The following PXDNL variants were observed in gnomAD, a reference collection of about 807,000 sequenced individuals.
PXDNL encodes probable oxidoreductase PXDNL.
A neutral mutation model predicts 150.8 loss-of-function variants in PXDNL; 145 were observed. That is an observed-to-expected ratio of 0.96 (90% CI 0.84 to 1.10). The LOEUF is 1.10. Ranked by LOEUF, PXDNL falls within the 50% of genes least tolerant of loss-of-function variation. The probability of loss-of-function intolerance (pLI) is 0.00; values close to 1 mark genes in which losing one functional copy is unlikely to be tolerated. For synonymous variants in PXDNL, 757 were observed against 725.7 expected (o/e 1.04, Z -0.69); for missense variants, 2,087 against 1,873.9 (o/e 1.11, Z -2.10).
chr8:51,790,628 C>A (rs1376991684), intron 1 of PXDNL, among the ~76,000 whole-genome samples: 1 of 152,002 alleles, frequency 6.6e-6, no homozygotes, highest in African/African-American at 2.4e-5. Context: ...TGGGCCCATG[C>A]CGGAGTCGCA....
intron 17 of PXDNL, among the ~76,000 whole-genome samples, chr8:51,406,257 T>G (rs1239068510): frequency 6.6e-6 from 1 of 152,234 alleles, no homozygotes; most frequent in Non-Finnish European, 1.5e-5. Context: ...CCAATCCAGA[T>G]AATCTACCCA....
At chr8:51,696,825 A>ATC in intron 1 of PXDNL, among the ~76,000 whole-genome samples, 1 of 148,728 alleles carries the variant, frequency 6.7e-6, no homozygotes, top group Non-Finnish European at 1.5e-5. Flanking sequence ...ACACACACAC[A>ATC]CACACACACA....
chr8:51,514,746 T>C (rs1363931187), intron 4 of PXDNL, among the ~76,000 whole-genome samples: 1 of 152,190 alleles, frequency 6.6e-6, no homozygotes, highest in Non-Finnish European at 1.5e-5. Context: ...CAAGACCGTC[T>C]GGGGCTTGAT....
At chr8:51,399,262 C>A (rs1470378499) in intron 17 of PXDNL, among the ~76,000 whole-genome samples, 2 of 152,102 alleles carry the variant, frequency 1.3e-5, no homozygotes, top group Non-Finnish European at 2.9e-5. Context: ...AATCATAGGC[C>A]CACAAAAAGA....
chr8:51,755,455 C>T (rs554854787), intron 1 of PXDNL, among the ~76,000 whole-genome samples: 12 of 152,118 alleles, frequency 7.9e-5, no homozygotes, highest in African/African-American at 2.6e-4. Flanking sequence ...CCACCACACT[C>T]GACTAATTTT....
intron 8 of PXDNL, among the ~76,000 whole-genome samples, chr8:51,471,780 G>A (rs1176126070): frequency 1.3e-5 from 2 of 151,026 alleles, no homozygotes; most frequent in African/African-American, 2.4e-5. Flanking sequence ...TCCGCCTCCC[G>A]GGTTCACGCC....
intron 9 of PXDNL, among the ~76,000 whole-genome samples, chr8:51,454,110 AT>A (rs1366397621): frequency 2.2e-5 from 1 of 44,564 alleles, no homozygotes; most frequent in African/African-American, 3.2e-5. Flanking sequence ...GAATACTCAC[AT>A]TTTTTTAAAC....
chr8:51,328,413 C>A (rs911332950), intron 21 of PXDNL, among the ~76,000 whole-genome samples: 3 of 152,192 alleles, frequency 2.0e-5, no homozygotes, highest in African/African-American at 7.2e-5. Context: ...TTGAAGAATG[C>A]ACCCCTACAC....
chr8:51,711,786 C>CA (rs1816506459), intron 1 of PXDNL, among the ~76,000 whole-genome samples: 1 of 152,278 alleles, frequency 6.6e-6, no homozygotes, highest in East Asian at 1.9e-4. Context: ...AATGTGTCAA[C>CA]AAAAAATACT....
chr8:51,482,199 G>A (rs1810620259), intron 6 of PXDNL, among the ~76,000 whole-genome samples: 1 of 152,206 alleles, frequency 6.6e-6, no homozygotes, highest in Non-Finnish European at 1.5e-5. Flanking sequence ...ATGTGACCTG[G>A]TCGTGAGACA....
At chr8:51,645,317 A>G (rs778674813) in intron 2 of PXDNL, among the ~76,000 whole-genome samples, 5 of 152,186 alleles carry the variant, frequency 3.3e-5, no homozygotes, top group Admixed American at 2.0e-4. Context: ...CTCTTCCAGA[A>G]ACACCCTCTC....
chr8:51,353,224 G>C (rs1197342918), intron 19 of PXDNL, among the ~76,000 whole-genome samples: 3 of 148,720 alleles, frequency 2.0e-5, no homozygotes, highest in African/African-American at 7.4e-5. Flanking sequence ...ATTTCTTATA[G>C]TTATTACTTC....
chr8:51,405,263 G>A (rs1426632321), intron 17 of PXDNL, among the ~76,000 whole-genome samples: 2 of 152,224 alleles, frequency 1.3e-5, no homozygotes, highest in Non-Finnish European at 2.9e-5. Context: ...CTCAACAGCG[G>A]CCTGAGTGGG....
rs549289138 is a variant in PXDNL, at chr8:51,664,310, T to C, written c.165-9550A>G. The stretch of plus-strand genomic sequence containing the variant: ...AAAACCAAAGCATAACCTCTTGAAT[T>C]GCTAACTTTGTCATTCTGGAGAAAG... On this transcript the variant is annotated intron_variant, in intron 1 of 22. Transcript: ENST00000356297. Among the ~76,000 whole-genome samples the C allele has an allele frequency of 9.2e-5, 14 of 152,294 alleles. No individual in the cohort carries two copies. The South Asian group carries it at 2.9e-3, about 32-fold the overall frequency.
At chr8:51,530,011 C>T (rs1811860226) in intron 4 of PXDNL, among the ~76,000 whole-genome samples, 3 of 152,190 alleles carry the variant, frequency 2.0e-5, no homozygotes, top group African/African-American at 7.2e-5. Context: ...TTCCTCAACT[C>T]TCCTGTGAGG....
chr8:51,751,561 C>T (rs2037045580), intron 1 of PXDNL, among the ~76,000 whole-genome samples: 1 of 152,116 alleles, frequency 6.6e-6, no homozygotes, highest in African/African-American at 2.4e-5. Context: ...CCCCAAGTCA[C>T]CATAGATTCG....
intron 1 of PXDNL, among the ~76,000 whole-genome samples, chr8:51,733,578 T>C (rs1816973110): frequency 6.6e-6 from 1 of 151,858 alleles, no homozygotes; most frequent in East Asian, 1.9e-4. Flanking sequence ...GAGGCTGAGG[T>C]GGGCAGATCA....
At chr8:51,750,005 A>T (rs1394677665) in intron 1 of PXDNL, among the ~76,000 whole-genome samples, 1 of 152,044 alleles carries the variant, frequency 6.6e-6, no homozygotes, top group Non-Finnish European at 1.5e-5. Context: ...CGGTCCACTA[A>T]ACTTATTTTT....
At chr8:51,702,633 C>T (rs1816280055) in intron 1 of PXDNL, among the ~76,000 whole-genome samples, 1 of 152,120 alleles carries the variant, frequency 6.6e-6, no homozygotes, top group Non-Finnish European at 1.5e-5. Flanking sequence ...AGCGGGGTGC[C>T]TCAATCTCCC....
Sources: allele counts gnomAD v4.1 joint callset (sites outside exome capture counted in the v4.1 genomes callset), GRCh38; gene constraint gnomAD v4.1.1; transcripts MANE v1.5; gene names NCBI Gene and HGNC (gene_info 2026-07-23, HGNC 2026-07-21).